The following COA5 variants were observed in gnomAD, a reference collection of about 807,000 sequenced individuals.
The protein encoded by COA5 is protein C2orf64.
In COA5, 11 loss-of-function variants were observed where a neutral mutation model predicts 11.8. The observed-to-expected ratio is 0.93, with a 90% CI of 0.59 to 1.54. The LOEUF (loss-of-function observed/expected upper bound fraction) is 1.54, where lower values mean the gene tolerates loss of function less well. Ranked by LOEUF, COA5 falls within the 40% of genes most tolerant of loss-of-function variation. The probability of loss-of-function intolerance (pLI) is 0.00; values close to 1 mark genes in which losing one functional copy is unlikely to be tolerated. For synonymous variants in COA5, 38 were observed against 37.5 expected (o/e 1.01, Z -0.05); for missense variants, 87 against 89.2 (o/e 0.97, Z 0.10).
At chr2:98,608,252 G>A (rs1264650462) in intron 1 of COA5, 55 bp downstream of exon 1, 10 of 1,377,378 alleles carry the variant, frequency 7.3e-6, no homozygotes, top group Non-Finnish European at 1.0e-5. Flanking sequence ...CCTCCGCCGA[G>A]CCAGGCCTGC....
At chr2:98,601,579 T>G (rs2106592480) in intron 2 of COA5, among the ~76,000 whole-genome samples, 1 of 152,272 alleles carries the variant, frequency 6.6e-6, no homozygotes, top group African/African-American at 2.4e-5. Flanking sequence ...GGTTCTCAAG[T>G]CAGTTTGTAA....
chr2:98,602,579 G>A (rs1233828771), intron 2 of COA5: 4 of 155,516 alleles, frequency 2.6e-5, no homozygotes, highest in South Asian at 1.7e-4. Flanking sequence ...AACCCAGGAC[G>A]CAGAGGTTGC....
At chr2:98,608,235 C>T (rs1275466703) in intron 1 of COA5, 72 bp downstream of exon 1, 2 of 1,194,714 alleles carry the variant, frequency 1.7e-6, no homozygotes, top group African/African-American at 3.0e-5. Context: ...CGCGGGCGAC[C>T]CGCTGCCCTC....
At chr2:98,603,953 C>T (rs1051911991) in intron 2 of COA5, among the ~76,000 whole-genome samples, 155 bp downstream of exon 2, 10 of 152,184 alleles carry the variant, frequency 6.6e-5, no homozygotes, top group African/African-American at 2.4e-4. Flanking sequence ...ATGAACGCTA[C>T]CTAACGTTAA....
Position 98,600,738 on chromosome 2 carries a change from T to G in COA5, c.*14A>C. ...AATATTTGTTGTTTTCCATGTTGGCTTCAACATAATGCATCAATATCCTTT... is the reference window on the plus strand; with the variant it reads ...AATATTTGTTGTTTTCCATGTTGGCGTCAACATAATGCATCAATATCCTTT... On this transcript the variant is annotated 3_prime_UTR_variant, in exon 3 of 3. Coordinates refer to ENST00000328709, the MANE Select transcript of COA5 (RefSeq NM_001008215.3). The G allele has an allele frequency of 6.2e-7, 1 of 1,608,188 alleles. No homozygotes were observed. The highest frequency in any genetic ancestry group is 1.1e-5 in the South Asian group (1 of 90,652).
chr2:98,603,146 A>G (rs1265697498), intron 2 of COA5, among the ~76,000 whole-genome samples: 1 of 152,200 alleles, frequency 6.6e-6, no homozygotes, highest in African/African-American at 2.4e-5. Context: ...TTTGTTAACA[A>G]AAAGGAAGGG....
rs771763678 is a variant in COA5, at chr2:98,600,718, T to A, written c.*34A>T. The stretch of plus-strand genomic sequence containing the variant: ...TTGTGTTAATGACCAGGGAAAATAT[T>A]TGTTGTTTTCCATGTTGGCTTCAAC... On this transcript the variant is annotated 3_prime_UTR_variant, in exon 3 of 3. Transcript: ENST00000328709. 84 of 1,591,732 alleles carry A rather than the reference T, an allele frequency of 5.3e-5. 1 individual carries two copies. In the South Asian group the frequency reaches 8.8e-4, roughly 17 times the overall value.
intron 2 of COA5, among the ~76,000 whole-genome samples, 188 bp downstream of exon 2, chr2:98,603,920 A>G (rs1484266691): frequency 1.3e-5 from 2 of 152,250 alleles, no homozygotes; most frequent in Non-Finnish European, 1.5e-5. Context: ...ACAGAAGAAC[A>G]TAACAATGAG....
intron 2 of COA5, among the ~76,000 whole-genome samples, 160 bp from the exon 3 acceptor site, chr2:98,600,953 A>C (rs569939298): frequency 2.6e-5 from 4 of 152,300 alleles, no homozygotes; most frequent in African/African-American, 9.6e-5. Flanking sequence ...CACAGTAACA[A>C]AGATGGCATT....
In COA5 at chr2:98,608,346, G is replaced by C; in HGVS notation, c.60C>G (p.Asp20Glu). ...CCGACTGCAGCAGACACGCGCCCAG[G>C]TCCTCCTTCAGGCCCGCGCACGCGC... ...QGGACAGLKE[D>E]LGACLLQSDC... The change falls in exon 1 of 3, where the codon GAC becomes GAG. Residue 20 changes from aspartate to glutamate, a missense_variant. By Grantham distance (45) the Asp-to-Glu change is conservative. Coordinates refer to ENST00000328709, the MANE Select transcript of COA5 (RefSeq NM_001008215.3). The C allele has an allele frequency of 6.2e-7, 1 of 1,609,636 alleles. No individual in the cohort carries two copies. Among genetic ancestry groups the C allele is most frequent in the Non-Finnish European group, 8.5e-7 (1 of 1,178,790 alleles).
intron 1 of COA5, among the ~76,000 whole-genome samples, chr2:98,606,744 A>G (rs1342071341): frequency 6.6e-6 from 1 of 152,130 alleles, no homozygotes; most frequent in African/African-American, 2.4e-5. Flanking sequence ...TTGACTACTC[A>G]TCAACATGGC....
At position 98,599,502 on chromosome 2, in the gene COA5, G is replaced by GT. The variant is rs1181538068; in HGVS notation, c.*1249dup. The GT allele has an allele frequency of 1.3e-5, 2 of 152,218 alleles. No homozygotes were observed. Among genetic ancestry groups the GT allele is most frequent in the East Asian group, 3.9e-4 (2 of 5,186 alleles). The allele number at this position is 152,218 out of a possible 1,614,324, so 9.4% of individuals were successfully genotyped here. On this transcript the variant is annotated 3_prime_UTR_variant, in exon 3 of 3. Transcript: ENST00000328709. ...ATTGTCCCTTTCCTGGTGAAAAGGA[G>GT]TATACACAACAGACCTTTGTGATAT... is the stretch of plus-strand genomic sequence containing the variant.
chr2:98,600,917 A>G (rs1375482656), intron 2 of COA5, 124 bp from the exon 3 acceptor site: 17 of 704,386 alleles, frequency 2.4e-5, no homozygotes, highest in Middle Eastern at 3.5e-4. Flanking sequence ...CAAAAAGGTG[A>G]TGACATCAGA....
chr2:98,604,655 G>C (rs1393775446), intron 1 of COA5: 1 of 170,356 alleles, frequency 5.9e-6, no homozygotes, highest in Non-Finnish European at 1.3e-5. Context: ...CATCTGCTCT[G>C]CATAATCAGG....
chr2:98,603,378 G>T (rs34906456), intron 2 of COA5, among the ~76,000 whole-genome samples: 19 of 152,014 alleles, frequency 1.2e-4, no homozygotes, highest in African/African-American at 4.3e-4. Flanking sequence ...CTACTCAGGA[G>T]GCTGAGGCAG....
chr2:98,601,997 G>C (rs1700648226), intron 2 of COA5, among the ~76,000 whole-genome samples: 2 of 152,096 alleles, frequency 1.3e-5, no homozygotes, highest in African/African-American at 4.8e-5. Flanking sequence ...CTATTCTATA[G>C]GAAGGAATTA....
At chr2:98,606,530 A>T (rs1026391260) in intron 1 of COA5, among the ~76,000 whole-genome samples, 1 of 152,248 alleles carries the variant, frequency 6.6e-6, no homozygotes, top group Non-Finnish European at 1.5e-5. Flanking sequence ...TGCCTACAGC[A>T]TTCTAGCCAA....
At chr2:98,606,554 C>T (rs1331698662) in intron 1 of COA5, among the ~76,000 whole-genome samples, 1 of 152,246 alleles carries the variant, frequency 6.6e-6, no homozygotes, top group Non-Finnish European at 1.5e-5. Flanking sequence ...GCTCCGCTTT[C>T]TATACTGGAG....
chr2:98,603,326 CA>C (rs1559144507), intron 2 of COA5, among the ~76,000 whole-genome samples: 1 of 151,886 alleles, frequency 6.6e-6, no homozygotes, highest in African/African-American at 2.4e-5. Context: ...TAAAAAAATA[CA>C]AAAATTAGCT....
Sources: gnomAD v4.1 joint callset for allele counts (sites outside exome capture counted in the v4.1 genomes callset) on GRCh38, gnomAD v4.1.1 for gene constraint, MANE v1.5 for transcripts, NCBI Gene and HGNC (gene_info 2026-07-23, HGNC 2026-07-21) for gene names.